Variants in LRCH1 observed in about 807,000 individuals in gnomAD.
The protein encoded by LRCH1 is leucine rich repeats and calponin homology domain containing 1, also known as leucine-rich repeat and calponin homology domain-containing protein 1.
LRCH1 carries 23 observed loss-of-function variants against 94.9 expected under a neutral mutation model. The observed-to-expected ratio is 0.24, with a 90% confidence interval of 0.17 to 0.34. LRCH1 has a LOEUF of 0.34. Ranked by LOEUF, LRCH1 falls within the 10% of genes least tolerant of loss-of-function variation. LRCH1 has a pLI of 1.00. For missense variants in LRCH1, 790 were observed against 945.9 expected (o/e 0.84, Z 2.16); for synonymous variants, 364 against 354.9 (o/e 1.03, Z -0.29).
intron 1 of LRCH1, among the ~76,000 whole-genome samples, chr13:46,638,432 A>G (rs116851639): frequency 0.01 from 1,565 of 152,314 alleles, 10 homozygotes; most frequent in Non-Finnish European, 0.015. Context: ...TTAACCAGTT[A>G]CTGATGTAAT....
chr13:46,598,133 T>C (rs1052635442), intron 1 of LRCH1, among the ~76,000 whole-genome samples: 1 of 152,068 alleles, frequency 6.6e-6, no homozygotes, highest in Non-Finnish European at 1.5e-5. Context: ...ATACAAAAAT[T>C]AGCCGGTCAA....
At chr13:46,583,698 T>G (rs757144322) in intron 1 of LRCH1, among the ~76,000 whole-genome samples, 6 of 152,218 alleles carry the variant, frequency 3.9e-5, no homozygotes, top group Non-Finnish European at 7.3e-5. Flanking sequence ...TTACTATACA[T>G]TTTTGAACGT....
intron 1 of LRCH1, among the ~76,000 whole-genome samples, chr13:46,589,445 A>G (rs1274465944): frequency 6.6e-6 from 1 of 152,142 alleles, no homozygotes; most frequent in Non-Finnish European, 1.5e-5. Context: ...TATCCAGTCC[A>G]TATTTAAATT....
chr13:46,664,735 TTATA>T (rs1270337453), intron 2 of LRCH1, among the ~76,000 whole-genome samples: 1 of 152,216 alleles, frequency 6.6e-6, no homozygotes, highest in Non-Finnish European at 1.5e-5. Flanking sequence ...GGTTTAATCT[TTATA>T]TATGGATGTG....
chr13:46,625,377 G>A (rs1330945516), intron 1 of LRCH1, among the ~76,000 whole-genome samples: 1 of 152,218 alleles, frequency 6.6e-6, no homozygotes, highest in Non-Finnish European at 1.5e-5. Flanking sequence ...GGCCCCCAGG[G>A]CGATGGTATT....
At chr13:46,673,162 G>T (rs2051623740) in intron 3 of LRCH1, among the ~76,000 whole-genome samples, 1 of 152,012 alleles carries the variant, frequency 6.6e-6, no homozygotes, top group Admixed American at 6.5e-5. Context: ...TTGAAATCCT[G>T]TGTGTATGTA....
intron 1 of LRCH1, among the ~76,000 whole-genome samples, chr13:46,647,112 C>CAAAA (rs61648661): frequency 1.2e-5 from 1 of 84,486 alleles, no homozygotes. Context: ...GACTCCAACT[C>CAAAA]AAAAAAAAAA....
intron 1 of LRCH1, among the ~76,000 whole-genome samples, chr13:46,629,760 T>C (rs12427953): frequency 0.062 from 9,511 of 152,252 alleles, 411 homozygotes; most frequent in East Asian, 0.22. Context: ...TACGAATATC[T>C]TGATAGATTA....
intron 1 of LRCH1, among the ~76,000 whole-genome samples, chr13:46,556,563 G>T (rs539514360): frequency 5.9e-5 from 9 of 152,212 alleles, no homozygotes; most frequent in African/African-American, 2.2e-4. Context: ...ATCAGCACTG[G>T]GTGCGCCTCT....
chr13:46,629,475 G>T lies in LRCH1; in HGVS notation c.308-20726G>T, dbSNP rs552445446. 4.6e-5 allele frequency among the ~76,000 whole-genome samples: 7 copies of T among 152,294 alleles called. No homozygotes were observed. In the East Asian group the frequency reaches 1.2e-3, roughly 25 times the overall value. ...GGCTTGAAAAGATGCAGAGCAGCTG[G>T]CTAATGCTGCCAATGAGCCATTGGC... On this transcript the variant is annotated intron_variant, in intron 1 of 19. Coordinates refer to ENST00000389797, the MANE Select transcript of LRCH1 (RefSeq NM_001164211.2).
chr13:46,646,013 G>C (rs143264895), intron 1 of LRCH1, among the ~76,000 whole-genome samples: 142 of 152,180 alleles, frequency 9.3e-4, no homozygotes, highest in African/African-American at 3.3e-3. Flanking sequence ...ATAAGTTTTC[G>C]GGGCAAACTT....
At chr13:46,639,195 A>G (rs377221497) in intron 1 of LRCH1, among the ~76,000 whole-genome samples, 4 of 152,312 alleles carry the variant, frequency 2.6e-5, no homozygotes, top group East Asian at 3.9e-4. Context: ...ATGATAACAT[A>G]CCAGCAAAGC....
intron 1 of LRCH1, among the ~76,000 whole-genome samples, chr13:46,648,672 G>A (rs1413715083): frequency 6.6e-6 from 1 of 152,064 alleles, no homozygotes; most frequent in Non-Finnish European, 1.5e-5. Flanking sequence ...ATATAATTGA[G>A]ATAATTGTCA....
At chr13:46,629,491 A>C (rs191893568) in intron 1 of LRCH1, among the ~76,000 whole-genome samples, 142 of 152,332 alleles carry the variant, frequency 9.3e-4, no homozygotes, top group Non-Finnish European at 1.4e-3. Flanking sequence ...GCTGCCAATG[A>C]GCCATTGGCT....
Position 46,741,972 on chromosome 13 carries a change from T to C in LRCH1, c.*124T>C. The C allele has an allele frequency of 6.5e-7, 1 of 1,537,972 alleles. No homozygotes were observed. Among genetic ancestry groups the C allele is most frequent in the South Asian group, 1.3e-5 (1 of 78,402 alleles). On this transcript the variant is annotated 3_prime_UTR_variant, in exon 20 of 20. Coordinates refer to ENST00000389797, the MANE Select transcript of LRCH1 (RefSeq NM_001164211.2). The stretch of plus-strand genomic sequence containing the variant: ...CATGTCTTCAGTTATCTCTCGAGTT[T>C]TGAAGCTGAACAGTAGCAAATCAGA...
intron 7 of LRCH1, among the ~76,000 whole-genome samples, chr13:46,690,278 C>G (rs1870830213): frequency 6.6e-6 from 1 of 151,876 alleles, no homozygotes; most frequent in African/African-American, 2.4e-5. Flanking sequence ...AGAAAATAAC[C>G]CATAGGAAGG....
At chr13:46,586,912 C>T (rs1334369373) in intron 1 of LRCH1, among the ~76,000 whole-genome samples, 1 of 152,100 alleles carries the variant, frequency 6.6e-6, no homozygotes. Flanking sequence ...TTCATTTCAC[C>T]CAGGATTTTG....
chr13:46,573,951 C>G (rs1317540387), intron 1 of LRCH1, among the ~76,000 whole-genome samples: 2 of 148,180 alleles, frequency 1.3e-5, no homozygotes, highest in Non-Finnish European at 3.0e-5. Context: ...CAACCTCCAC[C>G]TGCCTCGTTC....
At chr13:46,561,582 C>T (rs2050130540) in intron 1 of LRCH1, among the ~76,000 whole-genome samples, 1 of 152,198 alleles carries the variant, frequency 6.6e-6, no homozygotes. Context: ...GATGTTTATG[C>T]CATACAGCGT....
Sources: gnomAD v4.1 joint callset for allele counts (sites outside exome capture counted in the v4.1 genomes callset) on GRCh38, gnomAD v4.1.1 for gene constraint, MANE v1.5 for transcripts, NCBI Gene and HGNC (gene_info 2026-07-23, HGNC 2026-07-21) for gene names.